FGD3: variants seen among roughly 807,000 people sequenced by gnomAD.
FGD3 encodes FYVE, RhoGEF and PH domain containing 3.
FGD3 carries 45 observed loss-of-function variants against 71.8 expected under a neutral mutation model. The observed-to-expected ratio is 0.63, with a 90% CI of 0.49 to 0.80. The LOEUF (loss-of-function observed/expected upper bound fraction) is 0.80. Among genes scored for constraint, FGD3 ranks in the 30% least tolerant of loss-of-function variants. The pLI is 0.00. For synonymous variants in FGD3, 378 were observed against 392.8 expected (o/e 0.96, Z 0.44); for missense variants, 844 against 951.5 (o/e 0.89, Z 1.49).
At chr9:93,001,983 A>G (rs906283543) in intron 3 of FGD3, among the ~76,000 whole-genome samples, 49 of 152,118 alleles carry the variant, frequency 3.2e-4, no homozygotes, top group African/African-American at 1.1e-3. Context: ...TGCTTCCACT[A>G]TGTGAGGGGA....
At chr9:92,951,372 A>G (rs1858951076) in intron 1 of FGD3, among the ~76,000 whole-genome samples, 1 of 152,186 alleles carries the variant, frequency 6.6e-6, no homozygotes, top group South Asian at 2.1e-4. Flanking sequence ...TGGAACTTGT[A>G]ACTTCCTAAA....
intron 3 of FGD3, among the ~76,000 whole-genome samples, chr9:92,984,678 T>G (rs1860124255): frequency 6.6e-6 from 1 of 152,192 alleles, no homozygotes; most frequent in Non-Finnish European, 1.5e-5. Flanking sequence ...CAGGTAAATA[T>G]TAAGCAAACA....
intron 15 of FGD3, 44 bp from the exon 16 acceptor site, chr9:93,032,725 T>C: frequency 1.3e-6 from 2 of 1,584,884 alleles, no homozygotes; most frequent in Non-Finnish European, 1.7e-6. Flanking sequence ...TGGATAATCC[T>C]CTGTCCCAGG....
At chr9:92,972,729 A>G (rs1479204455) in intron 1 of FGD3, among the ~76,000 whole-genome samples, 1 of 152,110 alleles carries the variant, frequency 6.6e-6, no homozygotes, top group East Asian at 1.9e-4. Context: ...CTGATCACAC[A>G]TGTATTACAC....
chr9:93,005,987 C>T (rs1164700543), intron 5 of FGD3, 37 bp from the exon 6 acceptor site: 2 of 1,564,054 alleles, frequency 1.3e-6, no homozygotes, highest in Non-Finnish European at 1.7e-6. Context: ...CCCCATTGCA[C>T]CCAGCTATTT....
At chr9:92,957,398 C>T (rs1021914102) in intron 1 of FGD3, among the ~76,000 whole-genome samples, 20 of 152,298 alleles carry the variant, frequency 1.3e-4, no homozygotes, top group African/African-American at 4.3e-4. Context: ...TTCACTGTAG[C>T]GGTTCAGATG....
intron 1 of FGD3, among the ~76,000 whole-genome samples, chr9:92,949,753 C>A (rs1331072493): frequency 6.6e-6 from 1 of 152,116 alleles, no homozygotes; most frequent in Non-Finnish European, 1.5e-5. Flanking sequence ...CCAGGAAGGA[C>A]AGGGGAGACT....
chr9:93,028,066 G>A (rs139161482), intron 14 of FGD3, among the ~76,000 whole-genome samples: 11 of 151,860 alleles, frequency 7.2e-5, no homozygotes, highest in Admixed American at 2.0e-4. Context: ...TTTTTTAAGC[G>A]TATGTTGTTT....
chr9:92,983,311 A>G (rs1056801997), intron 3 of FGD3, among the ~76,000 whole-genome samples: 21 of 152,082 alleles, frequency 1.4e-4, no homozygotes, highest in African/African-American at 5.1e-4. Context: ...TCATGAGGTC[A>G]GGAGATCAAG....
chr9:93,015,629 T>C, intron 9 of FGD3, 108 bp from the exon 10 acceptor site: 1 of 717,508 alleles, frequency 1.4e-6, no homozygotes, highest in East Asian at 2.7e-5. Context: ...TTTTTCACTT[T>C]ATAACATTAA....
chr9:93,011,808 A>G (rs1048545684), intron 8 of FGD3, among the ~76,000 whole-genome samples: 2 of 150,678 alleles, frequency 1.3e-5, no homozygotes, highest in African/African-American at 4.9e-5. Flanking sequence ...GTGAGCCGAG[A>G]TCGTGCCACT....
chr9:93,017,520 C>G (rs1861747288), intron 10 of FGD3, among the ~76,000 whole-genome samples: 1 of 151,924 alleles, frequency 6.6e-6, no homozygotes, highest in South Asian at 2.1e-4. Context: ...AGACATGGAA[C>G]AGGCGTGAGC....
intron 3 of FGD3, among the ~76,000 whole-genome samples, chr9:92,995,462 T>C (rs1860599906): frequency 6.6e-6 from 1 of 152,202 alleles, no homozygotes; most frequent in East Asian, 1.9e-4. Context: ...TGAATATGCT[T>C]TATTTCTTTC....
intron 3 of FGD3, among the ~76,000 whole-genome samples, chr9:92,997,402 A>G (rs113865514): frequency 5.6e-4 from 85 of 152,248 alleles, no homozygotes; most frequent in African/African-American, 1.9e-3. Flanking sequence ...AATACAGCAC[A>G]TTGATGGGTC....
rs901769391 is a variant in FGD3, at chr9:92,969,671, G to A, written c.-217-5567G>A. ...CGTGGTGGGTTTCTTTCAGATGGGG[G>A]GGGACTCCCGCACGGCCTCCCGGGA... is the stretch of plus-strand genomic sequence containing the variant. On this transcript the variant is annotated intron_variant, in intron 1 of 17. Coordinates refer to ENST00000375482, the MANE Select transcript of FGD3 (RefSeq NM_001083536.2). This position sits in a 1 kb window ranked among gnomAD's most constrained non-coding sequence, Gnocchi z 4.5. Among the ~76,000 whole-genome samples the A allele has an allele frequency of 6.6e-6, 1 of 152,110 alleles. No individual in the cohort carries two copies. Among genetic ancestry groups the A allele is most frequent in the East Asian group, 1.9e-4 (1 of 5,182 alleles).
At chr9:92,977,578 A>T (rs149302607) in intron 3 of FGD3, among the ~76,000 whole-genome samples, 1 of 152,140 alleles carries the variant, frequency 6.6e-6, no homozygotes, top group African/African-American at 2.4e-5. Context: ...AGACGAGGCC[A>T]GGGCTGTGTT....
intron 2 of FGD3, 93 bp from the exon 3 acceptor site, chr9:92,976,115 G>T: frequency 1.4e-6 from 1 of 736,792 alleles, no homozygotes. Flanking sequence ...GGGGGGCGGA[G>T]GGTACTGCCT....
At chr9:93,032,458 G>T in intron 15 of FGD3, 1 of 299,282 alleles carries the variant, frequency 3.3e-6, no homozygotes, top group Non-Finnish European at 6.4e-6. Flanking sequence ...TTCCCTGATG[G>T]CCAGTGATGG....
intron 16 of FGD3, 68 bp downstream of exon 16, chr9:93,032,941 C>A: frequency 7.1e-7 from 1 of 1,401,000 alleles, no homozygotes; most frequent in Non-Finnish European, 1.0e-6. Context: ...TGCTCCTGTG[C>A]CCCAGCAGCT....
Sources: gnomAD v4.1 joint callset for allele counts (sites outside exome capture counted in the v4.1 genomes callset) on GRCh38, gnomAD v4.1.1 for gene constraint, Gnocchi (gnomAD v3.1) non-coding constraint, MANE v1.5 for transcripts, NCBI Gene and HGNC (gene_info 2026-07-23, HGNC 2026-07-21) for gene names.